Variants in ADAMTSL1 observed in about 807,000 individuals in gnomAD.
ADAMTSL1 encodes ADAMTS-like protein 1.
A neutral mutation model predicts 201.8 loss-of-function variants in ADAMTSL1; 126 were observed. The ratio of observed to expected loss-of-function variants is 0.62; its 90% CI spans 0.54 to 0.72. ADAMTSL1 has a LOEUF of 0.72. ADAMTSL1 is among the 30% of genes least tolerant of loss of function. ADAMTSL1 has a pLI of 0.00. For synonymous variants in ADAMTSL1, 1,121 were observed against 903.4 expected, an observed-to-expected ratio of 1.24 and a Z score of -4.32; for missense variants, 2,679 against 2,277.8, an observed-to-expected ratio of 1.18 and a Z score of -3.59.
intron 13 of ADAMTSL1, among the ~76,000 whole-genome samples, chr9:18,701,603 C>G (rs10811012): frequency 0.16 from 23,843 of 152,188 alleles, 2,281 homozygotes; most frequent in South Asian, 0.25. Context: ...CTCACATACA[C>G]AAACATACAC....
chr9:17,931,526 A>C (rs531276272), intron 1 of ADAMTSL1, among the ~76,000 whole-genome samples: 1 of 152,316 alleles, frequency 6.6e-6, no homozygotes, highest in South Asian at 2.1e-4. Flanking sequence ...TTAAACTCTA[A>C]AATTTCAAAG....
intron 4 of ADAMTSL1, among the ~76,000 whole-genome samples, chr9:18,596,791 A>T (rs1186737457): frequency 6.6e-6 from 1 of 152,210 alleles, no homozygotes; most frequent in Non-Finnish European, 1.5e-5. Flanking sequence ...TGCAACTATG[A>T]GTACAGGATG....
At chr9:18,335,023 T>C (rs1835172552) in intron 2 of ADAMTSL1, among the ~76,000 whole-genome samples, 1 of 152,104 alleles carries the variant, frequency 6.6e-6, no homozygotes. Flanking sequence ...ATAATACAAA[T>C]TCCTGATAAT....
chr9:18,685,844 C>G (rs899974645), intron 13 of ADAMTSL1, among the ~76,000 whole-genome samples: 19 of 152,102 alleles, frequency 1.2e-4, no homozygotes, highest in Admixed American at 6.6e-5. Flanking sequence ...CCAAAGGTCA[C>G]TTGTAAAGAA....
intron 1 of ADAMTSL1, among the ~76,000 whole-genome samples, chr9:17,962,575 T>A (rs1231263259): frequency 6.6e-6 from 1 of 152,164 alleles, no homozygotes; most frequent in Non-Finnish European, 1.5e-5. Flanking sequence ...TGGTTGTGAT[T>A]GTGTCACTGC....
In ADAMTSL1 at chr9:17,936,169, A is replaced by G. The variant is rs149293509; in HGVS notation, c.87+29247A>G. On this transcript the variant is annotated intron_variant, in intron 1 of 29. Transcript: ENST00000680146. ...AACTGTGCATGTGTATGTAATTTTT[A>G]TTCTAAGTGTAATTTCCTTGCTATT... Among the ~76,000 whole-genome samples, 4 of 152,276 alleles carry G rather than the reference A, an allele frequency of 2.6e-5. No homozygotes were observed. The East Asian group carries it at 7.7e-4, about 29-fold the overall frequency.
At chr9:18,831,244 G>A (rs1290144553) in intron 23 of ADAMTSL1, among the ~76,000 whole-genome samples, 1 of 152,192 alleles carries the variant, frequency 6.6e-6, no homozygotes, top group African/African-American at 2.4e-5. Flanking sequence ...GTTTGGCACT[G>A]AGTTTTTCTA....
At chr9:18,280,707 T>G (rs892845151) in intron 2 of ADAMTSL1, among the ~76,000 whole-genome samples, 6 of 152,202 alleles carry the variant, frequency 3.9e-5, no homozygotes, top group African/African-American at 1.4e-4. Flanking sequence ...AAATTGATAT[T>G]AGTTACGTAG....
intron 1 of ADAMTSL1, among the ~76,000 whole-genome samples, chr9:17,935,710 C>T (rs1362117753): frequency 1.3e-5 from 2 of 152,208 alleles, no homozygotes; most frequent in Non-Finnish European, 2.9e-5. Flanking sequence ...AGCAATACCT[C>T]TAGCTGTTCT....
intron 2 of ADAMTSL1, among the ~76,000 whole-genome samples, chr9:18,253,236 TA>T (rs895505883): frequency 7.2e-5 from 11 of 152,134 alleles, no homozygotes; most frequent in African/African-American, 2.2e-4. Flanking sequence ...TGGGTATACA[TA>T]AAGTGGTAGA....
intron 2 of ADAMTSL1, among the ~76,000 whole-genome samples, chr9:18,527,044 C>T (rs993860788): frequency 6.6e-6 from 1 of 152,038 alleles, no homozygotes; most frequent in African/African-American, 2.4e-5. Context: ...ATCAGTGGTA[C>T]CCAGGATTTC....
intron 1 of ADAMTSL1, among the ~76,000 whole-genome samples, chr9:18,097,350 G>C (rs1192572377): frequency 6.6e-6 from 1 of 152,190 alleles, no homozygotes; most frequent in African/African-American, 2.4e-5. Context: ...CTATTTCTGA[G>C]ATTTTAGCAG....
intron 2 of ADAMTSL1, among the ~76,000 whole-genome samples, chr9:18,399,312 TATATATATATATATATAA>T (rs1817882175): frequency 8.2e-6 from 1 of 121,664 alleles, no homozygotes; most frequent in African/African-American, 3.1e-5. Context: ...TATATATATA[TATATATATATATATATAA>T]AATTATTATT....
intron 2 of ADAMTSL1, among the ~76,000 whole-genome samples, chr9:18,312,191 G>A (rs79218123): frequency 0.018 from 2,719 of 152,312 alleles, 75 homozygotes; most frequent in African/African-American, 0.06. Flanking sequence ...AGGAATTTGA[G>A]CTTTAACCTG....
At position 18,315,615 on chromosome 9, in the gene ADAMTSL1, C is replaced by G. The variant is rs116272922; in HGVS notation, c.207+151634C>G. ...TAAGTCCCTCACTGCCCGGGCCGGCCGCTCTGAGTGCGGGGCCCACCGATC... is the reference window on the plus strand; with the variant it reads ...TAAGTCCCTCACTGCCCGGGCCGGCGGCTCTGAGTGCGGGGCCCACCGATC... On this transcript the variant is annotated intron_variant, in intron 2 of 29. Transcript: ENST00000680146. Among the ~76,000 whole-genome samples, 1,372 of 152,210 alleles carry G rather than the reference C, an allele frequency of 9.0e-3. 30 individuals are homozygous for G. The highest frequency in any genetic ancestry group is 0.031 in the African/African-American group (1,297 of 41,540).
At chr9:18,470,835 ACTCT>A (rs769523695), upstream of ADAMTSL1, among the ~76,000 whole-genome samples, 1 of 132,588 alleles carries the variant, frequency 7.5e-6, no homozygotes, top group Non-Finnish European at 1.8e-5. Context: ...CAGCCCTGAC[ACTCT>A]CTCTCTCTTG....
At chr9:18,243,230 A>G (rs1247943955) in intron 2 of ADAMTSL1, among the ~76,000 whole-genome samples, 1 of 152,154 alleles carries the variant, frequency 6.6e-6, no homozygotes, top group Non-Finnish European at 1.5e-5. Context: ...TACAATGGTG[A>G]AAGAAGAGTC....
chr9:18,043,978 A>G (rs1821547711), intron 1 of ADAMTSL1, among the ~76,000 whole-genome samples: 2 of 146,816 alleles, frequency 1.4e-5, no homozygotes, highest in Admixed American at 1.4e-4. Flanking sequence ...CTCTTCATGG[A>G]TGCGTGCCTT....
chr9:18,374,430 C>G (rs866326160), intron 2 of ADAMTSL1, among the ~76,000 whole-genome samples: 2 of 151,894 alleles, frequency 1.3e-5, no homozygotes, highest in Middle Eastern at 6.8e-3. Context: ...ATTTCTCAGG[C>G]TTGAGCGATC....
Sources: allele counts gnomAD v4.1 joint callset (sites outside exome capture counted in the v4.1 genomes callset), GRCh38; gene constraint gnomAD v4.1.1; transcripts MANE v1.5; gene names NCBI Gene and HGNC (gene_info 2026-07-23, HGNC 2026-07-21).